Variants in RHOU observed in about 807,000 individuals in gnomAD.
The protein encoded by RHOU is rho-related GTP-binding protein RhoU.
RHOU carries 8 observed loss-of-function variants against 12.6 expected under a neutral mutation model. The ratio of observed to expected loss-of-function variants is 0.64; its 90% confidence interval spans 0.37 to 1.15. The LOEUF (loss-of-function observed/expected upper bound fraction) is 1.15, where lower values mean the gene tolerates loss of function less well. RHOU is among the 50% of genes most tolerant of loss of function. The pLI, the probability that RHOU is intolerant of heterozygous loss-of-function variation, is 0.01. For synonymous variants in RHOU, 161 were observed against 147.4 expected, an observed-to-expected ratio of 1.09 and a Z score of -0.67; for missense variants, 258 against 347.0, an observed-to-expected ratio of 0.74 and a Z score of 2.04.
chr1:228,708,372 T>G, the RHOU span, among the ~76,000 whole-genome samples: 4 of 150,452 alleles, frequency 2.7e-5, no homozygotes, highest in African/African-American at 9.8e-5. Context: ...TCACCAAAGT[T>G]GAAATGAAGG....
the RHOU span, among the ~76,000 whole-genome samples, chr1:228,663,949 T>C: frequency 9.2e-5 from 13 of 141,260 alleles, 1 homozygote; most frequent in African/African-American, 3.2e-4. Flanking sequence ...GCTGGATTTC[T>C]TTTTCTTCTC....
At chr1:228,660,324 A>C in the RHOU span, among the ~76,000 whole-genome samples, 70 of 151,852 alleles carry the variant, frequency 4.6e-4, no homozygotes, top group African/African-American at 1.6e-3. Context: ...AGACTGAATC[A>C]GTAACCAAAA....
At chr1:228,676,738 A>G in the RHOU span, among the ~76,000 whole-genome samples, 5 of 151,972 alleles carry the variant, frequency 3.3e-5, no homozygotes, top group South Asian at 4.2e-4. Context: ...AATGTTTTGC[A>G]GGCAGGGGGT....
chr1:228,649,010 C>T, the RHOU span, among the ~76,000 whole-genome samples: 2 of 152,152 alleles, frequency 1.3e-5, no homozygotes, highest in East Asian at 3.9e-4. Context: ...ACTAAAGGCG[C>T]GCACCAACCT....
chr1:228,731,248 C>T (rs1251211960), upstream of RHOU, among the ~76,000 whole-genome samples: 1 of 152,106 alleles, frequency 6.6e-6, no homozygotes, highest in Non-Finnish European at 1.5e-5. Context: ...CAAATATATC[C>T]ACATAAGGGG....
the RHOU span, among the ~76,000 whole-genome samples, chr1:228,660,240 C>T: frequency 2.7e-3 from 414 of 151,602 alleles, 1 homozygote; most frequent in Non-Finnish European, 3.3e-3. Context: ...TGGACAAATT[C>T]CTAGGAATAT....
chr1:228,707,446 C>A, the RHOU span, among the ~76,000 whole-genome samples: 3 of 151,130 alleles, frequency 2.0e-5, no homozygotes, highest in Non-Finnish European at 4.4e-5. Flanking sequence ...TCTCCCAGCA[C>A]GCAGCTGGAG....
Position 228,735,663 on chromosome 1 carries a change from C to A in RHOU, c.-80C>A. 1 of 1,112,504 alleles carries A rather than the reference C, an allele frequency of 9.0e-7. No homozygotes were observed. Among genetic ancestry groups the A allele is most frequent in the Non-Finnish European group, 1.1e-6 (1 of 898,624 alleles). The allele number at this position is 1,112,504 out of a possible 1,614,324, so 68.9% of individuals were successfully genotyped here. On this transcript the variant is annotated 5_prime_UTR_variant, in exon 1 of 3. Coordinates refer to ENST00000366691, the MANE Select transcript of RHOU (RefSeq NM_021205.6). This position sits in a 1 kb window ranked among gnomAD's most constrained non-coding sequence, Gnocchi z 8.1. The stretch of plus-strand genomic sequence containing the variant: ...CGCAGCTGTCGGTGACAGCTCCTCC[C>A]TACCGCAACCCTCCGGGGCGGAGGG...
At chr1:228,707,250 TATATAGTGTGTGTGTGTG>T in the RHOU span, among the ~76,000 whole-genome samples, 8 of 93,092 alleles carry the variant, frequency 8.6e-5, no homozygotes, top group African/African-American at 5.3e-4. Context: ...TATATATATA[TATATAGTGTGTGTGTGTG>T]TGTGTGTGTG....
the RHOU span, among the ~76,000 whole-genome samples, chr1:228,725,055 G>T: frequency 6.6e-6 from 1 of 152,078 alleles, no homozygotes; most frequent in East Asian, 1.9e-4. Context: ...TTTCTGTCAA[G>T]ACTACAGTAA....
At chr1:228,658,286 C>CAAAA in the RHOU span, among the ~76,000 whole-genome samples, 1 of 93,976 alleles carries the variant, frequency 1.1e-5, no homozygotes, top group Non-Finnish European at 2.1e-5. Context: ...GACCCTGTCT[C>CAAAA]AAAAAAAAAA....
the RHOU span, among the ~76,000 whole-genome samples, chr1:228,657,264 C>CA: frequency 6.9e-5 from 1 of 14,560 alleles, no homozygotes; most frequent in African/African-American, 2.4e-4. Context: ...GCAACGAGAG[C>CA]AAAAAACTCC....
the RHOU span, among the ~76,000 whole-genome samples, chr1:228,705,420 C>T: frequency 0.026 from 4,024 of 152,244 alleles, 192 homozygotes; most frequent in African/African-American, 0.091. Flanking sequence ...GTATTCAATT[C>T]TGCAGAAATT....
At chr1:228,730,553 C>T (rs556519093), upstream of RHOU, among the ~76,000 whole-genome samples, 1 of 152,332 alleles carries the variant, frequency 6.6e-6, no homozygotes, top group East Asian at 1.9e-4. Flanking sequence ...AATCATGTCT[C>T]CGGACAACTT....
the RHOU span, among the ~76,000 whole-genome samples, chr1:228,722,867 C>T: frequency 2.0e-5 from 3 of 152,102 alleles, no homozygotes; most frequent in Non-Finnish European, 1.5e-5. Flanking sequence ...GTGATCTGCC[C>T]GCCTCGGCCT....
At chr1:228,725,912 T>C in the RHOU span, among the ~76,000 whole-genome samples, 1 of 152,202 alleles carries the variant, frequency 6.6e-6, no homozygotes, top group Non-Finnish European at 1.5e-5. Flanking sequence ...GGCACATGCA[T>C]AAAAATGATC....
chr1:228,681,361 C>G, the RHOU span, among the ~76,000 whole-genome samples: 3 of 151,908 alleles, frequency 2.0e-5, no homozygotes, highest in Non-Finnish European at 2.9e-5. Context: ...CCTGATTCAG[C>G]CTGGCGGGGA....
intron 2 of RHOU, among the ~76,000 whole-genome samples, chr1:228,742,520 G>T (rs1254801881): frequency 6.6e-6 from 1 of 152,192 alleles, no homozygotes; most frequent in Non-Finnish European, 1.5e-5. Flanking sequence ...GAGGCCATGG[G>T]TACTGGCAAG....
the RHOU span, among the ~76,000 whole-genome samples, chr1:228,685,235 G>A: frequency 6.6e-6 from 1 of 152,130 alleles, no homozygotes; most frequent in African/African-American, 2.4e-5. Flanking sequence ...AGGTCTTTAT[G>A]ACCTGTATCT....
Sources: gnomAD v4.1 joint callset for allele counts (sites outside exome capture counted in the v4.1 genomes callset) on GRCh38, gnomAD v4.1.1 for gene constraint, Gnocchi (gnomAD v3.1) non-coding constraint, MANE v1.5 for transcripts, NCBI Gene and HGNC (gene_info 2026-07-23, HGNC 2026-07-21) for gene names.